Variants in STIMATE observed in about 807,000 individuals in gnomAD.
The protein encoded by STIMATE is store-operated calcium entry regulator STIMATE.
Under a neutral mutation model 36.7 loss-of-function variants are expected in STIMATE, and 15 were observed. That is an observed-to-expected ratio of 0.41 (90% CI 0.27 to 0.63). The LOEUF is 0.63. Ranked by LOEUF, STIMATE falls within the 20% of genes least tolerant of loss-of-function variation. The probability of loss-of-function intolerance (pLI) is 0.32; values close to 1 mark genes in which losing one functional copy is unlikely to be tolerated. For synonymous variants in STIMATE, 163 were observed against 162.3 expected (o/e 1.00, Z -0.03); for missense variants, 305 against 397.3 (o/e 0.77, Z 1.98).
At chr3:52,895,408 C>T (rs779215958) in intron 1 of STIMATE, among the ~76,000 whole-genome samples, 9 of 152,146 alleles carry the variant, frequency 5.9e-5, no homozygotes, top group Non-Finnish European at 7.4e-5. Flanking sequence ...CTTTCCAGCT[C>T]TTCTCCCCAT....
At chr3:52,882,167 C>A (rs1701616213) in intron 1 of STIMATE, among the ~76,000 whole-genome samples, 1 of 152,150 alleles carries the variant, frequency 6.6e-6, no homozygotes, top group African/African-American at 2.4e-5. Flanking sequence ...GTCCTTAGCT[C>A]CTCACCACGT....
chr3:52,880,556 C>T (rs1048875869), intron 1 of STIMATE, among the ~76,000 whole-genome samples: 7 of 152,162 alleles, frequency 4.6e-5, no homozygotes, highest in Non-Finnish European at 7.4e-5. Flanking sequence ...CAGCAGAGAA[C>T]GAAGACTCAG....
intron 2 of STIMATE, among the ~76,000 whole-genome samples, chr3:52,854,853 C>A (rs1014870592): frequency 3.9e-5 from 6 of 152,162 alleles, no homozygotes; most frequent in African/African-American, 1.4e-4. Context: ...TTATGGGACA[C>A]CCAAGTGGTA....
chr3:52,844,754 C>A (rs572150049), intron 5 of STIMATE, 75 bp downstream of exon 5: 3 of 1,544,310 alleles, frequency 1.9e-6, no homozygotes, highest in African/African-American at 1.4e-5. Context: ...CTAGAGTTGG[C>A]GTATGTGGGT....
chr3:52,895,972 G>T (rs1032838267), intron 1 of STIMATE: 4 of 1,288,478 alleles, frequency 3.1e-6, no homozygotes, highest in Non-Finnish European at 3.0e-6. Context: ...GAACAAGTGG[G>T]TATTTGTTTA....
intron 4 of STIMATE, chr3:52,847,422 T>A (rs1189434565): frequency 6.2e-6 from 8 of 1,283,318 alleles, no homozygotes; most frequent in Non-Finnish European, 8.1e-6. Context: ...GGCTTCCACA[T>A]GGGAAAGAGT....
intron 4 of STIMATE, chr3:52,846,501 C>T (rs536591725): frequency 1.0e-3 from 156 of 152,306 alleles, no homozygotes; most frequent in African/African-American, 3.6e-3. Flanking sequence ...CGCGCGGCAC[C>T]GCTTATTTAC....
intron 1 of STIMATE, among the ~76,000 whole-genome samples, chr3:52,875,158 G>C (rs1384441925): frequency 6.6e-6 from 1 of 152,176 alleles, no homozygotes; most frequent in Non-Finnish European, 1.5e-5. Context: ...TGTTCATTGT[G>C]TATGTTTCTA....
At chr3:52,895,783 G>T in intron 1 of STIMATE, 1 of 874,190 alleles carries the variant, frequency 1.1e-6, no homozygotes, top group Non-Finnish European at 1.6e-6. Context: ...CTCAGGTTAG[G>T]GAGCAAAAGA....
At chr3:52,846,293 T>G (rs1700898922) in intron 4 of STIMATE, among the ~76,000 whole-genome samples, 1 of 152,216 alleles carries the variant, frequency 6.6e-6, no homozygotes, top group Non-Finnish European at 1.5e-5. Flanking sequence ...AATCCCTCCT[T>G]GCTAGGTTGT....
chr3:52,843,584 G>C lies in STIMATE; in HGVS notation c.618+137C>G, dbSNP rs1470701564. 46 of 1,311,464 alleles carry C rather than the reference G, an allele frequency of 3.5e-5. No individual in the cohort carries two copies. In the East Asian group the frequency reaches 1.1e-3, roughly 31 times the overall value. The allele number at this position is 1,311,464 out of a possible 1,614,324, so 81.2% of individuals were successfully genotyped here. On this transcript the variant is annotated intron_variant, in intron 6 of 7. Coordinates refer to ENST00000355083, the MANE Select transcript of STIMATE (RefSeq NM_198563.5). ...GGTAATCCTGCCATTTCCAGGTCTG[G>C]GGGTGGGAGAGGTGGCAAATGGTCA...
chr3:52,851,589 C>T (rs1307014846), intron 3 of STIMATE, among the ~76,000 whole-genome samples: 1 of 152,240 alleles, frequency 6.6e-6, no homozygotes, highest in African/African-American at 2.4e-5. Flanking sequence ...CACTCTTAGA[C>T]CAGAGATGGC....
chr3:52,890,446 G>A (rs762062889), intron 1 of STIMATE, among the ~76,000 whole-genome samples: 29 of 152,244 alleles, frequency 1.9e-4, no homozygotes, highest in Admixed American at 1.3e-4. Flanking sequence ...GGGGGCAGTT[G>A]GCAATGTCGG....
At chr3:52,852,057 T>A (rs1278840532) in intron 3 of STIMATE, among the ~76,000 whole-genome samples, 1 of 152,234 alleles carries the variant, frequency 6.6e-6, no homozygotes, top group Admixed American at 6.5e-5. Context: ...CCACTCCACC[T>A]GCTAAGAGAA....
intron 1 of STIMATE, among the ~76,000 whole-genome samples, chr3:52,888,762 T>C (rs1398825872): frequency 6.6e-6 from 1 of 152,098 alleles, no homozygotes; most frequent in Non-Finnish European, 1.5e-5. Context: ...AAAAGCAGAG[T>C]TGGCCCTGTA....
intron 1 of STIMATE, among the ~76,000 whole-genome samples, chr3:52,886,236 C>A (rs916891231): frequency 1.3e-5 from 2 of 152,150 alleles, no homozygotes; most frequent in African/African-American, 2.4e-5. Flanking sequence ...AGGACAGGAA[C>A]GTGCAGAGGT....
At position 52,839,753 on chromosome 3, in the gene STIMATE, T is replaced by A. The variant is rs1221432289; in HGVS notation, c.*741A>T. The A allele has an allele frequency of 2.0e-5, 3 of 152,054 alleles. No homozygotes were observed. The highest frequency in any genetic ancestry group is 2.9e-5 in the Non-Finnish European group (2 of 67,994). The allele number at this position is 152,054 out of a possible 1,614,324, so 9.4% of individuals were successfully genotyped here. Reference sequence around the variant, plus strand: ...TCTAATAATATTCCAAATAAAAAACTCCCGATTTTTCCTCCTGCCAGCCCA... The same window carrying A: ...TCTAATAATATTCCAAATAAAAAACACCCGATTTTTCCTCCTGCCAGCCCA... On this transcript the variant is annotated 3_prime_UTR_variant, in exon 8 of 8. Coordinates refer to ENST00000355083, the MANE Select transcript of STIMATE (RefSeq NM_198563.5).
chr3:52,844,777 G>C (rs1700865178), intron 5 of STIMATE, 52 bp downstream of exon 5: 1 of 1,598,048 alleles, frequency 6.3e-7, no homozygotes, highest in Non-Finnish European at 8.6e-7. Context: ...TGGGGAGGAA[G>C]TGCTGCTTGC....
chr3:52,845,037 G>A, intron 4 of STIMATE, 96 bp from the exon 5 acceptor site: 1 of 1,302,108 alleles, frequency 7.7e-7, no homozygotes, highest in Non-Finnish European at 1.1e-6. Context: ...CCAGAACACT[G>A]GCTCTAAAGC....
Sources: allele counts gnomAD v4.1 joint callset (sites outside exome capture counted in the v4.1 genomes callset), GRCh38; gene constraint gnomAD v4.1.1; transcripts MANE v1.5; gene names NCBI Gene and HGNC (gene_info 2026-07-23, HGNC 2026-07-21).